RBPJ: variants seen among roughly 807,000 people sequenced by gnomAD.
The protein encoded by RBPJ is recombination signal binding protein for immunoglobulin kappa J region, also known as recombining binding protein suppressor of hairless.
Under a neutral mutation model 67.8 loss-of-function variants are expected in RBPJ, and 9 were observed. That is an observed-to-expected ratio of 0.13 (90% CI 0.08 to 0.23). The LOEUF (loss-of-function observed/expected upper bound fraction) is 0.23. Among genes scored for constraint, RBPJ ranks in the 10% least tolerant of loss-of-function variants. The pLI, the probability that RBPJ is intolerant of heterozygous loss-of-function variation, is 1.00. For synonymous variants in RBPJ, 198 were observed against 203.3 expected (o/e 0.97, Z 0.22); for missense variants, 305 against 595.6 (o/e 0.51, Z 5.08).
the RBPJ span, among the ~76,000 whole-genome samples, chr4:26,115,382 A>G: frequency 1.3e-5 from 2 of 152,002 alleles, no homozygotes; most frequent in Non-Finnish European, 2.9e-5. Flanking sequence ...CAGGTTGGCC[A>G]GTATAAGTTT....
At chr4:26,318,605 T>C (rs1391281904), upstream of RBPJ, among the ~76,000 whole-genome samples, 1 of 152,184 alleles carries the variant, frequency 6.6e-6, no homozygotes, top group Admixed American at 6.5e-5. Flanking sequence ...GGAGCAAGAA[T>C]CTATACAAGG....
intron 1 of RBPJ, among the ~76,000 whole-genome samples, chr4:26,221,192 G>A (rs775773880): frequency 6.6e-6 from 1 of 152,116 alleles, no homozygotes; most frequent in Non-Finnish European, 1.5e-5. Context: ...CTGGGTTCAC[G>A]CCATTCTCCT....
chr4:26,362,494 C>T (rs1301412563), intron 1 of RBPJ: 15 of 1,512,550 alleles, frequency 9.9e-6, no homozygotes, highest in South Asian at 5.4e-5. Context: ...TATAGTTCTT[C>T]GGAACCATTA....
Position 26,344,690 on chromosome 4 carries a change from G to GA in RBPJ, c.20+23648dup, listed in dbSNP as rs112595637. ...TAGAAATGACTTTTAAAGCAGAAGA[G>GA]AAAAAAGGAAGGGTGGAATAGCAAC... On this transcript the variant is annotated intron_variant, in intron 1 of 10. Transcript: ENST00000355476. Among the ~76,000 whole-genome samples the GA allele has an allele frequency of 6.3e-3, 963 of 152,150 alleles. 12 individuals carry two copies. The highest frequency in any genetic ancestry group is 0.022 in the African/African-American group (922 of 41,516).
At chr4:26,272,779 A>G (rs1720957254) in intron 1 of RBPJ, 1 of 442,054 alleles carries the variant, frequency 2.3e-6, no homozygotes. Context: ...TAACACCAGG[A>G]AGGGGGTGAT....
At chr4:26,388,396 G>T (rs1030196774) in intron 2 of RBPJ, among the ~76,000 whole-genome samples, 2 of 152,326 alleles carry the variant, frequency 1.3e-5, no homozygotes, top group African/African-American at 4.8e-5. Context: ...TTTAGGTTTT[G>T]TTGCCCATAT....
At chr4:26,225,894 T>A (rs1257440279) in intron 1 of RBPJ, among the ~76,000 whole-genome samples, 1 of 152,122 alleles carries the variant, frequency 6.6e-6, no homozygotes, top group Non-Finnish European at 1.5e-5. Context: ...ATGCCTGTAA[T>A]CCCAGCACTT....
upstream of RBPJ, among the ~76,000 whole-genome samples, chr4:26,317,225 G>A (rs2109312951): frequency 6.6e-6 from 1 of 151,990 alleles, no homozygotes; most frequent in South Asian, 2.1e-4. Flanking sequence ...GAGTATGGGA[G>A]TCCCTCTTGG....
At chr4:26,343,058 C>T (rs1443730687) in intron 1 of RBPJ, 1 of 152,200 alleles carries the variant, frequency 6.6e-6, no homozygotes, top group East Asian at 1.9e-4. Flanking sequence ...GGCTTAAAAA[C>T]TGATGAGTTT....
intron 1 of RBPJ, among the ~76,000 whole-genome samples, chr4:26,261,150 A>G (rs528949137): frequency 6.6e-6 from 1 of 152,310 alleles, no homozygotes; most frequent in South Asian, 2.1e-4. Context: ...CTGATTAGTG[A>G]TGGCCTAAAC....
the RBPJ span, among the ~76,000 whole-genome samples, chr4:26,146,285 T>C: frequency 6.6e-6 from 1 of 152,142 alleles, no homozygotes; most frequent in Non-Finnish European, 1.5e-5. Flanking sequence ...CAACATAATT[T>C]ACTGGGGAAA....
chr4:26,171,902 G>A (rs574933483), intron 1 of RBPJ, among the ~76,000 whole-genome samples: 4 of 152,322 alleles, frequency 2.6e-5, no homozygotes, highest in African/African-American at 9.6e-5. Context: ...GGTTTTGCAT[G>A]ACTACACTGT....
chr4:26,415,439 G>A, intron 3 of RBPJ, 36 bp from the exon 4 acceptor site: 1 of 1,467,584 alleles, frequency 6.8e-7, no homozygotes, highest in Non-Finnish European at 9.2e-7. Context: ...ATTGATTTTT[G>A]CTTCTTGTTT....
At chr4:26,209,031 G>C (rs548273538) in intron 1 of RBPJ, among the ~76,000 whole-genome samples, 1 of 150,814 alleles carries the variant, frequency 6.6e-6, no homozygotes, top group South Asian at 2.1e-4. Flanking sequence ...AGCTAGAACT[G>C]TAAATATTCA....
intron 1 of RBPJ, among the ~76,000 whole-genome samples, chr4:26,175,865 T>C (rs1299127987): frequency 6.6e-6 from 1 of 152,146 alleles, no homozygotes; most frequent in Non-Finnish European, 1.5e-5. Flanking sequence ...TGACCTTCCC[T>C]CCACCCACCT....
intron 3 of RBPJ, among the ~76,000 whole-genome samples, chr4:26,411,827 G>A (rs1191425552): frequency 6.6e-5 from 10 of 151,936 alleles, no homozygotes; most frequent in Admixed American, 3.9e-4. Context: ...CCATTTATGG[G>A]CCAGGCGCGG....
upstream of RBPJ, among the ~76,000 whole-genome samples, chr4:26,316,534 T>TATATATTCATATATATTC (rs1553861008): frequency 1.8e-5 from 2 of 110,582 alleles, no homozygotes; most frequent in African/African-American, 8.1e-5. Flanking sequence ...TATATATTCA[T>TATATATTCATATATATTC]ATATATATTC....
rs1227301050 is a variant in RBPJ at position 26,431,203 on chromosome 4, A to G, written c.*196A>G. 6.5e-5 allele frequency: 27 copies of G among 417,856 alleles called. No homozygotes were observed. The highest frequency in any genetic ancestry group is 5.6e-4 in the Admixed American group (14 of 24,988). 25.9% of individuals were successfully genotyped at this position (417,856 alleles called of 1,614,324 possible). A position where few individuals can be genotyped will look rare whatever the true frequency, so the allele number is the denominator to read the frequency against. On this transcript the variant is annotated 3_prime_UTR_variant, in exon 11 of 11. Transcript: ENST00000355476. ...CCACAGTAAAAAAAAAAAAAAAAAAAAAAAAAAAGAAAAAAAAATCAAAAT... is the reference window on the plus strand; with the variant it reads ...CCACAGTAAAAAAAAAAAAAAAAAAGAAAAAAAAGAAAAAAAAATCAAAAT...
intron 1 of RBPJ, among the ~76,000 whole-genome samples, chr4:26,227,453 A>C (rs1469948127): frequency 6.6e-6 from 1 of 152,238 alleles, no homozygotes; most frequent in Non-Finnish European, 1.5e-5. Flanking sequence ...ATAAGTGACA[A>C]TAAGTATTAG....
Sources: gnomAD v4.1 joint callset for allele counts (sites outside exome capture counted in the v4.1 genomes callset) on GRCh38, gnomAD v4.1.1 for gene constraint, MANE v1.5 for transcripts, NCBI Gene and HGNC (gene_info 2026-07-23, HGNC 2026-07-21) for gene names.